PTPRD: variants seen among roughly 807,000 people sequenced by gnomAD.
PTPRD encodes the protein receptor-type tyrosine-protein phosphatase delta.
In PTPRD, 34 loss-of-function variants were observed where a neutral mutation model predicts 214.5. That is an observed-to-expected ratio of 0.16 (90% confidence interval 0.12 to 0.21). PTPRD has a LOEUF of 0.21. Ranked by LOEUF, PTPRD falls within the 10% of genes least tolerant of loss-of-function variation. The probability of loss-of-function intolerance (pLI) is 1.00; values close to 1 mark genes in which losing one functional copy is unlikely to be tolerated. For synonymous variants in PTPRD, 1,128 were observed against 845.7 expected (o/e 1.33, Z -5.79); for missense variants, 2,545 against 2,398.7 (o/e 1.06, Z -1.27).
At chr9:9,968,672 G>C (rs1297586046) in intron 4 of PTPRD, among the ~76,000 whole-genome samples, 2 of 151,908 alleles carry the variant, frequency 1.3e-5, no homozygotes, top group Non-Finnish European at 2.9e-5. Context: ...TGAATTCTGA[G>C]GATTCCCAAA....
At chr9:8,578,569 G>C (rs1594363950) in intron 14 of PTPRD, among the ~76,000 whole-genome samples, 1 of 152,178 alleles carries the variant, frequency 6.6e-6, no homozygotes, top group African/African-American at 2.4e-5. Context: ...AGAGAGTGCA[G>C]AGGCTTGGTT....
chr9:8,433,734 AAG>A (rs1351219732), intron 35 of PTPRD, among the ~76,000 whole-genome samples: 2 of 152,350 alleles, frequency 1.3e-5, no homozygotes, highest in East Asian at 1.9e-4. Context: ...GTGATATCAA[AAG>A]AGAGTCAAAA....
chr9:8,481,710 A>G (rs2096890157), intron 30 of PTPRD, among the ~76,000 whole-genome samples: 1 of 152,108 alleles, frequency 6.6e-6, no homozygotes, highest in African/African-American at 2.4e-5. Flanking sequence ...CATTGCTTCA[A>G]TGATTCTGTC....
intron 9 of PTPRD, among the ~76,000 whole-genome samples, chr9:9,238,437 G>C (rs944047656): frequency 5.9e-5 from 9 of 152,060 alleles, no homozygotes; most frequent in Non-Finnish European, 1.5e-5. Flanking sequence ...ATAGGTGTCT[G>C]GGTTTTAACC....
intron 35 of PTPRD, among the ~76,000 whole-genome samples, chr9:8,429,899 T>C (rs968991834): frequency 2.0e-5 from 3 of 152,194 alleles, no homozygotes; most frequent in African/African-American, 7.2e-5. Context: ...AGTTAATACA[T>C]AGCTTTAAGG....
chr9:9,463,520 G>A (rs1403387808), intron 8 of PTPRD, among the ~76,000 whole-genome samples: 1 of 152,088 alleles, frequency 6.6e-6, no homozygotes, highest in East Asian at 1.9e-4. Flanking sequence ...TATAACCAGA[G>A]TATGTAATTA....
intron 11 of PTPRD, among the ~76,000 whole-genome samples, chr9:8,782,596 CTTTTT>C (rs35513651): frequency 0.027 from 3,145 of 117,408 alleles, 115 homozygotes; most frequent in African/African-American, 0.094. Flanking sequence ...ATACTTAACG[CTTTTT>C]TTTTTTTTTT....
At chr9:9,903,590 T>A (rs894761543) in intron 5 of PTPRD, among the ~76,000 whole-genome samples, 19 of 152,148 alleles carry the variant, frequency 1.2e-4, no homozygotes, top group African/African-American at 4.6e-4. Flanking sequence ...AGCAGCTCTG[T>A]TAATATTTAC....
chr9:9,013,995 T>A (rs1016908275), intron 11 of PTPRD, among the ~76,000 whole-genome samples: 2 of 151,804 alleles, frequency 1.3e-5, no homozygotes, highest in African/African-American at 4.8e-5. Context: ...CTTGAACTCT[T>A]GGCTGCTGCA....
At chr9:8,826,681 C>T (rs2097182280) in intron 11 of PTPRD, among the ~76,000 whole-genome samples, 1 of 147,734 alleles carries the variant, frequency 6.8e-6, no homozygotes, top group African/African-American at 2.5e-5. Flanking sequence ...ATTGTGTATT[C>T]ATCCATTATT....
chr9:8,358,393 C>A (rs1242991430), intron 39 of PTPRD, among the ~76,000 whole-genome samples: 2 of 152,032 alleles, frequency 1.3e-5, no homozygotes, highest in African/African-American at 4.8e-5. Flanking sequence ...CATAACAGAG[C>A]AAATGGTCTT....
intron 10 of PTPRD, among the ~76,000 whole-genome samples, chr9:9,099,510 G>C (rs1291947826): frequency 6.6e-6 from 1 of 152,140 alleles, no homozygotes; most frequent in African/African-American, 2.4e-5. Flanking sequence ...GCAGGTTTTG[G>C]AGGTAAGTAA....
chr9:8,565,482 G>T (rs1371996988), intron 14 of PTPRD, among the ~76,000 whole-genome samples: 1 of 152,140 alleles, frequency 6.6e-6, no homozygotes, highest in Non-Finnish European at 1.5e-5. Context: ...TCCTATGCAT[G>T]AGTAGTGTTT....
In PTPRD at chr9:9,151,254, T is replaced by TAAA. The variant is rs200847545; in HGVS notation, c.-143+32049_-143+32050insTTT. On this transcript the variant is annotated intron_variant, in intron 10 of 45. Coordinates refer to ENST00000381196, the MANE Select transcript of PTPRD (RefSeq NM_002839.4). Reference sequence around the variant, plus strand: ...TTGTTTGGGCATCTCCTGCTCCTACTGTTTCTGCTTTCCCTCCCTCATGCC... The same window carrying TAAA: ...TTGTTTGGGCATCTCCTGCTCCTACTAAAGTTTCTGCTTTCCCTCCCTCATGCC... 9.7e-3 allele frequency among the ~76,000 whole-genome samples: 1,477 copies of TAAA among 152,340 alleles called. 20 individuals are homozygous for TAAA. The highest frequency in any genetic ancestry group is 0.034 in the African/African-American group (1,407 of 41,572).
chr9:9,636,457 T>C (rs1037060419), intron 7 of PTPRD, among the ~76,000 whole-genome samples: 2 of 152,118 alleles, frequency 1.3e-5, no homozygotes, highest in East Asian at 1.9e-4. Context: ...CATATAGATA[T>C]AGATGTAGAT....
intron 7 of PTPRD, among the ~76,000 whole-genome samples, chr9:9,731,985 G>A (rs969814049): frequency 6.6e-6 from 1 of 152,122 alleles, no homozygotes; most frequent in Non-Finnish European, 1.5e-5. Flanking sequence ...ACAGTGTAAG[G>A]TAAAGTGCTA....
At chr9:9,802,669 C>G (rs1009537442) in intron 5 of PTPRD, among the ~76,000 whole-genome samples, 1 of 151,668 alleles carries the variant, frequency 6.6e-6, no homozygotes, top group African/African-American at 2.4e-5. Flanking sequence ...AAATTCAACT[C>G]TCCATACCCA....
intron 11 of PTPRD, among the ~76,000 whole-genome samples, chr9:8,902,979 TA>T: frequency 6.6e-6 from 1 of 152,242 alleles, no homozygotes. Context: ...TTTTGGGAAG[TA>T]AGGAAAATGA....
At position 10,308,198 on chromosome 9, in the gene PTPRD, T is replaced by A. The variant is rs905299013; in HGVS notation, c.-545+32765A>T. 2.6e-5 allele frequency among the ~76,000 whole-genome samples: 4 copies of A among 152,062 alleles called. No individual in the cohort carries two copies. The South Asian group carries it at 8.3e-4, about 31-fold the overall frequency. On this transcript the variant is annotated intron_variant, in intron 3 of 45. Coordinates refer to ENST00000381196, the MANE Select transcript of PTPRD (RefSeq NM_002839.4). ...CTTATAGTAGTTTTGTAATTTCACCTCTTGCATTTAAGACCTTAATCTATT... is the reference window on the plus strand; with the variant it reads ...CTTATAGTAGTTTTGTAATTTCACCACTTGCATTTAAGACCTTAATCTATT...
Sources: gnomAD v4.1 joint callset for allele counts (sites outside exome capture counted in the v4.1 genomes callset) on GRCh38, gnomAD v4.1.1 for gene constraint, MANE v1.5 for transcripts, NCBI Gene and HGNC (gene_info 2026-07-23, HGNC 2026-07-21) for gene names.